The following PRDM10 variants were observed in gnomAD, a reference collection of about 807,000 sequenced individuals.
PRDM10 encodes the protein PR domain zinc finger protein 10.
In PRDM10, 65 loss-of-function variants were observed where a neutral mutation model predicts 133.1. The observed-to-expected ratio is 0.49, with a 90% CI of 0.40 to 0.60. The LOEUF (loss-of-function observed/expected upper bound fraction) is 0.60, where lower values mean the gene tolerates loss of function less well. PRDM10 is among the 20% of genes least tolerant of loss of function. The probability of loss-of-function intolerance (pLI) is 0.00; values close to 1 mark genes in which losing one functional copy is unlikely to be tolerated. For missense variants in PRDM10, 1,137 were observed against 1,507.1 expected (o/e 0.75, Z 4.07); for synonymous variants, 582 against 580.4 (o/e 1.00, Z -0.04).
chr11:129,921,343 A>G (rs1443227984), intron 13 of PRDM10, among the ~76,000 whole-genome samples: 3 of 152,196 alleles, frequency 2.0e-5, no homozygotes, highest in African/African-American at 7.2e-5. Context: ...CAGTTTGAAA[A>G]TGCATTTCAA....
intron 1 of PRDM10, among the ~76,000 whole-genome samples, chr11:129,994,194 G>A (rs1206948986): frequency 7.3e-6 from 1 of 137,480 alleles, no homozygotes; most frequent in South Asian, 2.3e-4. Flanking sequence ...ACTGGGGCTG[G>A]GTGCAGTGGC....
intron 1 of PRDM10, among the ~76,000 whole-genome samples, chr11:129,989,801 C>G (rs1020783088): frequency 3.3e-5 from 5 of 152,160 alleles, no homozygotes; most frequent in Non-Finnish European, 7.3e-5. Flanking sequence ...TAATTTAACA[C>G]TACAATATGT....
At chr11:129,944,601 AT>A (rs1951344260) in intron 6 of PRDM10, among the ~76,000 whole-genome samples, 169 bp downstream of exon 6, 1 of 149,216 alleles carries the variant, frequency 6.7e-6, no homozygotes, top group African/African-American at 2.5e-5. Flanking sequence ...AAAAAAAAAA[AT>A]TGCAATCTCC....
chr11:129,965,232 C>T (rs1348980975), intron 1 of PRDM10, among the ~76,000 whole-genome samples: 1 of 151,908 alleles, frequency 6.6e-6, no homozygotes, highest in Non-Finnish European at 1.5e-5. Flanking sequence ...CACAGCAAGA[C>T]CCTGTCTCAA....
intron 19 of PRDM10, among the ~76,000 whole-genome samples, chr11:129,909,528 A>AC (rs1950120338): frequency 6.6e-6 from 1 of 152,190 alleles, no homozygotes; most frequent in Non-Finnish European, 1.5e-5. Flanking sequence ...AATCTATGTA[A>AC]CATAGCCAAG....
intron 20 of PRDM10, among the ~76,000 whole-genome samples, chr11:129,902,810 C>A (rs187415431): frequency 7.9e-5 from 12 of 152,282 alleles, no homozygotes; most frequent in African/African-American, 2.9e-4. Context: ...CATGCCGTTG[C>A]AATGCTCCTA....
intron 10 of PRDM10, among the ~76,000 whole-genome samples, chr11:129,931,571 A>ATT (rs200453898): frequency 0.21 from 28,215 of 134,148 alleles, 3,086 homozygotes; most frequent in Non-Finnish European, 0.26. Context: ...ATTTTATTTT[A>ATT]TTTTATTTTT....
intron 14 of PRDM10, among the ~76,000 whole-genome samples, chr11:129,917,934 C>A (rs1036180528): frequency 1.3e-5 from 2 of 152,120 alleles, no homozygotes; most frequent in African/African-American, 4.8e-5. Context: ...AGTTTGAGAC[C>A]AGCCTTGCCA....
In PRDM10 at chr11:129,923,579, C is replaced by T. The variant is rs1201707797; in HGVS notation, c.1879-176G>A. Among the ~76,000 whole-genome samples the T allele has an allele frequency of 4.1e-5, 6 of 147,552 alleles. No homozygotes were observed. Among genetic ancestry groups the T allele is most frequent in the African/African-American group, 1.5e-4 (6 of 39,528 alleles). ...TCAATAACACATACTGTCCCTGTCA[C>T]AAAGAAATAAAACAAGTAGCCAGAA... On this transcript the variant is annotated intron_variant, in intron 12 of 20. Transcript: ENST00000360871. The surrounding 1 kb of genome is among the most constrained non-coding windows in gnomAD (Gnocchi z 4.4).
intron 1 of PRDM10, among the ~76,000 whole-genome samples, chr11:129,991,840 C>T (rs916545115): frequency 1.3e-4 from 19 of 148,686 alleles, no homozygotes; most frequent in Non-Finnish European, 2.5e-4. Flanking sequence ...AAAAAGTAAC[C>T]GGCCTGGTGG....
Position 129,944,967 on chromosome 11 carries a change from T to C in PRDM10, c.566A>G (p.His189Arg). ...GTTGGGGATCGGGTGCAAGGGGCCG[T>C]GCTTCGGACACACTGAAGCATGCGC... Reference protein sequence around the residue: ...NNAHASVCPKHGPLHPIPNRP... With the variant: ...NNAHASVCPKRGPLHPIPNRP... The change falls in exon 6 of 21, where the codon CAC (histidine) becomes CGC (arginine). Residue 189 changes from histidine to arginine, a missense_variant. Physicochemically the swap from His to Arg is conservative, Grantham distance 29. This residue lies in a region of PRDM10 where 635 missense variants were observed against 835.2 expected (regional missense o/e 0.76). Transcript: ENST00000360871. 6.2e-7 allele frequency: 1 copy of C among 1,613,320 alleles called. No homozygotes were observed. Among genetic ancestry groups the C allele is most frequent in the Non-Finnish European group, 8.5e-7 (1 of 1,179,838 alleles).
chr11:129,987,049 T>C (rs1938470293), intron 1 of PRDM10, among the ~76,000 whole-genome samples: 3 of 152,202 alleles, frequency 2.0e-5, no homozygotes, highest in African/African-American at 7.2e-5. Context: ...CAAGTTCTTG[T>C]CTGCTATTGT....
chr11:129,915,225 C>G (rs1158082395), intron 16 of PRDM10, among the ~76,000 whole-genome samples: 1 of 152,068 alleles, frequency 6.6e-6, no homozygotes, highest in Non-Finnish European at 1.5e-5. Flanking sequence ...TAAAACCTCA[C>G]CTGACCTCAC....
At chr11:129,995,005 T>C (rs1254039866) in intron 1 of PRDM10, among the ~76,000 whole-genome samples, 1 of 152,212 alleles carries the variant, frequency 6.6e-6, no homozygotes, top group Non-Finnish European at 1.5e-5. Context: ...CAAAGTCCAA[T>C]TACTATGACA....
intron 19 of PRDM10, among the ~76,000 whole-genome samples, chr11:129,909,021 C>G (rs547445949): frequency 1.3e-5 from 2 of 151,906 alleles, no homozygotes; most frequent in Non-Finnish European, 2.9e-5. Flanking sequence ...TGAGCCACCA[C>G]GCCTGGCCCG....
chr11:129,933,021 A>G (rs1306036863), intron 9 of PRDM10, among the ~76,000 whole-genome samples: 1 of 152,198 alleles, frequency 6.6e-6, no homozygotes, highest in Non-Finnish European at 1.5e-5. Flanking sequence ...GGGCCTCCCA[A>G]AGTGCGGGGA....
At chr11:129,908,338 G>A (rs1054162501) in intron 19 of PRDM10, among the ~76,000 whole-genome samples, 1 of 152,130 alleles carries the variant, frequency 6.6e-6, no homozygotes, top group African/African-American at 2.4e-5. Flanking sequence ...ACTACACGTG[G>A]TGGCTCACAT....
chr11:129,947,443 C>T lies in PRDM10; in HGVS notation c.295-73G>A. On this transcript the variant is annotated intron_variant, in intron 4 of 20. Transcript: ENST00000360871. The surrounding 1 kb of genome is among the most constrained non-coding windows in gnomAD (Gnocchi z 4.6). Reference sequence around the variant, plus strand: ...TTTGGTTCGCTGGTGCCTGCTGGCACAAACAGGGCGCAAGGGCTGGCTGAA... The same window carrying T: ...TTTGGTTCGCTGGTGCCTGCTGGCATAAACAGGGCGCAAGGGCTGGCTGAA... 6.3e-7 allele frequency: 1 copy of T among 1,599,042 alleles called. No homozygotes were observed. The highest frequency in any genetic ancestry group is 8.6e-7 in the Non-Finnish European group (1 of 1,169,042).
chr11:129,934,082 G>A (rs1428714818), intron 9 of PRDM10, among the ~76,000 whole-genome samples: 1 of 152,126 alleles, frequency 6.6e-6, no homozygotes, highest in Non-Finnish European at 1.5e-5. Context: ...TCCCTCGTGC[G>A]TGCTCTCAGT....
Sources: gnomAD v4.1 joint callset for allele counts (sites outside exome capture counted in the v4.1 genomes callset) on GRCh38, gnomAD v4.1.1 for gene constraint, gnomAD v4.1.1 regional missense constraint, Gnocchi (gnomAD v3.1) non-coding constraint, MANE v1.5 for transcripts, NCBI Gene and HGNC (gene_info 2026-07-23, HGNC 2026-07-21) for gene names.